Variants in TSC2 observed in about 807,000 individuals in gnomAD.
The protein encoded by TSC2 is tuberin.
In TSC2, 29 loss-of-function variants were observed where a neutral mutation model predicts 202.2. The observed-to-expected ratio is 0.14, with a 90% CI of 0.11 to 0.20. TSC2 has a LOEUF of 0.20. TSC2 is among the 10% of genes least tolerant of loss of function. TSC2 has a pLI of 1.00. For missense variants in TSC2, 2,429 were observed against 2,420.0 expected, an observed-to-expected ratio of 1.00 and a Z score of -0.08; for synonymous variants, 1,349 against 1,044.0, an observed-to-expected ratio of 1.29 and a Z score of -5.63.
chr16:2,068,043 C>T (rs1327927634), intron 16 of TSC2, among the ~76,000 whole-genome samples: 1 of 152,104 alleles, frequency 6.6e-6, no homozygotes, highest in Non-Finnish European at 1.5e-5. Flanking sequence ...GCTTTCATTT[C>T]TTTATTTTTT....
rs768132665 is a variant in TSC2 at position 2,071,769 on chromosome 16, C to T, written c.1947-15C>T. The T allele has an allele frequency of 1.2e-6, 2 of 1,604,430 alleles. No homozygotes were observed. The highest frequency in any genetic ancestry group is 2.2e-5 in the South Asian group (2 of 89,588). ...TGCGGGGACTTGGCCTCAGCTGCTT[C>T]TCTTGCTTCTGCAGGGAGCCAGAGA... On this transcript the variant is annotated splice_polypyrimidine_tract_variant and intron_variant, in intron 18 of 41. Transcript: ENST00000219476.
At chr16:2,065,188 C>T (rs560030076) in intron 15 of TSC2, 28 of 272,060 alleles carry the variant, frequency 1.0e-4, no homozygotes, top group Non-Finnish European at 1.9e-4. Flanking sequence ...CCAAGGCAGG[C>T]GGATCATGAG....
At position 2,076,057 on chromosome 16, in the gene TSC2, T is replaced by A. The variant is rs1223914188; in HGVS notation, c.2640-11T>A. The A allele has an allele frequency of 6.2e-7, 1 of 1,613,710 alleles. No homozygotes were observed. The highest frequency in any genetic ancestry group is 1.3e-5 in the African/African-American group (1 of 74,998). On this transcript the variant is annotated splice_polypyrimidine_tract_variant and intron_variant, in intron 23 of 41. Transcript: ENST00000219476. ...TGCCAGGATGGAGTGCCAGCCCCCT[T>A]CTCATCTCAGGTTTAATCAGTACAT...
At position 2,064,523 on chromosome 16, in the gene TSC2, GGA is replaced by G. The variant is rs2087052087; in HGVS notation, c.1599+97_1599+98del. 2.5e-6 allele frequency: 4 copies of G among 1,578,302 alleles called. No individual in the cohort carries two copies. In the East Asian group the frequency reaches 9.2e-5, roughly 36 times the overall value. On this transcript the variant is annotated intron_variant, in intron 15 of 41. Transcript: ENST00000219476. ...CCTCTGTCCTCCTCTTCGAGTGACC[GGA>G]TGGCTGTGTCCGTAGGTGAGGCTCC...
chr16:2,059,599 A>C (rs1304754568), intron 10 of TSC2, among the ~76,000 whole-genome samples: 2 of 147,458 alleles, frequency 1.4e-5, no homozygotes, highest in Non-Finnish European at 1.5e-5. Flanking sequence ...GGCTCAGCGC[A>C]ACCTCCGCCT....
In TSC2 at chr16:2,065,529, G is replaced by A. The variant is rs372681603; in HGVS notation, c.1610G>A (p.Arg537His). 13 of 1,607,372 alleles carry A rather than the reference G, an allele frequency of 8.1e-6. No individual in the cohort carries two copies. Among genetic ancestry groups the A allele is most frequent in the Admixed American group, 6.7e-5 (4 of 59,718 alleles). Residue 537 changes from arginine to histidine, a missense_variant, in exon 16 of 42, where the codon CGC becomes CAC. Coordinates refer to ENST00000219476, the MANE Select transcript of TSC2 (RefSeq NM_000548.5). ...LLDIIEKVMA[R>H]SLSPPPELEE... ...GCCTTCTCTTCAAAGGTGATGGCCC[G>A]CTCCCTCTCCCCACCCCCGGAGCTG...
intron 16 of TSC2, among the ~76,000 whole-genome samples, chr16:2,069,646 AT>A (rs1217595298): frequency 6.6e-6 from 1 of 152,020 alleles, no homozygotes; most frequent in African/African-American, 2.4e-5. Context: ...CGCCCGGCTA[AT>A]TTTTTTGTGT....
chr16:2,088,760 G>A lies in TSC2; in HGVS notation c.*150G>A. ...TTTGTCTGCTTGGTGCGGGGGTTGG[G>A]GGGGTGTCGAGGCTCTAGAAGCGGC... On this transcript the variant is annotated 3_prime_UTR_variant, in exon 42 of 42. Coordinates refer to ENST00000219476, the MANE Select transcript of TSC2 (RefSeq NM_000548.5). 8.6e-7 allele frequency: 1 copy of A among 1,162,828 alleles called. No homozygotes were observed. Among genetic ancestry groups the A allele is most frequent in the South Asian group, 1.5e-5 (1 of 65,378 alleles). The allele number at this position is 1,162,828 out of a possible 1,614,324, so 72.0% of individuals were successfully genotyped here.
Position 2,079,024 on chromosome 16 carries a change from C to G in TSC2, c.2967-8C>G. On this transcript the variant is annotated splice_region_variant and splice_polypyrimidine_tract_variant and intron_variant, in intron 26 of 41. Transcript: ENST00000219476. The surrounding 1 kb of genome is among the most constrained non-coding windows in gnomAD (Gnocchi z 4.6). ...CACCCTGACCCTGGTCACGGCCTCT[C>G]CCTCCAGCAGGATACAGACGTCCCT... 1 of 1,612,460 alleles carries G rather than the reference C, an allele frequency of 6.2e-7. No individual in the cohort carries two copies. The highest frequency in any genetic ancestry group is 8.5e-7 in the Non-Finnish European group (1 of 1,180,004).
intron 13 of TSC2, 70 bp downstream of exon 13, chr16:2,062,670 G>A (rs1413227418): frequency 6.6e-7 from 1 of 1,505,616 alleles, no homozygotes; most frequent in Admixed American, 1.9e-5. Flanking sequence ...GCCCACCCGG[G>A]CTGGGTCTCA....
At chr16:2,086,700 C>T (rs368282256) in intron 37 of TSC2, 32 bp from the exon 38 acceptor site, 21 of 1,606,364 alleles carry the variant, frequency 1.3e-5, no homozygotes, top group Middle Eastern at 4.5e-4. Flanking sequence ...AGCACTGGCC[C>T]CACAAACCCA....
At chr16:2,056,987 G>A (rs1567409938) in intron 8 of TSC2, 118 bp from the exon 9 acceptor site, 1 of 1,421,012 alleles carries the variant, frequency 7.0e-7, no homozygotes, top group Non-Finnish European at 9.7e-7. Flanking sequence ...GGAGATGGTG[G>A]CGAGCTGGCC....
chr16:2,048,815 T>G, intron 2 of TSC2, 62 bp downstream of exon 2: 2 of 1,611,514 alleles, frequency 1.2e-6, no homozygotes, highest in Non-Finnish European at 1.7e-6. Flanking sequence ...CTGGGTTTGG[T>G]CTTGCACCAG....
At position 2,075,823 on chromosome 16, in the gene TSC2, A is replaced by G. The variant is rs878854084; in HGVS notation, c.2570A>G (p.Tyr857Cys). 5 of 1,612,956 alleles carry G rather than the reference A, an allele frequency of 3.1e-6. No homozygotes were observed. Among genetic ancestry groups the G allele is most frequent in the Non-Finnish European group, 3.4e-6 (4 of 1,179,976 alleles). The change falls in exon 23 of 42, where the codon TAC (tyrosine) becomes TGC (cysteine). Residue 857 changes from tyrosine (Y) to cysteine (C), a missense_variant. Coordinates refer to ENST00000219476, the MANE Select transcript of TSC2 (RefSeq NM_000548.5). ...LSTLARLPHL[Y>C]RNFAAEQYAS... ...GCTCTGGCCAGGCTGCCGCACCTCT[A>G]CAGGAACTTTGCCGCGGAGCAGTAT...
At chr16:2,074,669 C>G in intron 22 of TSC2, 3 of 526,588 alleles carry the variant, frequency 5.7e-6, no homozygotes, top group East Asian at 6.7e-5. Flanking sequence ...TGGGCCTCCT[C>G]TCTGTCCAAC....
chr16:2,088,664 A>AT lies in TSC2; in HGVS notation c.*55dup. 3 of 1,550,106 alleles carry AT rather than the reference A, an allele frequency of 1.9e-6. No homozygotes were observed. The highest frequency in any genetic ancestry group is 2.6e-6 in the Non-Finnish European group (3 of 1,157,142). The stretch of plus-strand genomic sequence containing the variant: ...TTGGACGGTATTGCCTGTCAGTGAA[A>AT]TAAATAAAGTCCTGACCCCAGTGCA... On this transcript the variant is annotated 3_prime_UTR_variant, in exon 42 of 42. Coordinates refer to ENST00000219476, the MANE Select transcript of TSC2 (RefSeq NM_000548.5).
At chr16:2,074,475 C>T in intron 22 of TSC2, 86 bp downstream of exon 22, 1 of 1,525,846 alleles carries the variant, frequency 6.6e-7, no homozygotes, top group Non-Finnish European at 8.9e-7. Context: ...TCTCTCAGGA[C>T]TCCTTGGGGA....
intron 19 of TSC2, 67 bp from the exon 20 acceptor site, chr16:2,072,174 G>A: frequency 6.2e-7 from 1 of 1,609,314 alleles, no homozygotes; most frequent in Non-Finnish European, 8.5e-7. Flanking sequence ...CAGAGCCTCA[G>A]ATGCTAGCTT....
chr16:2,079,175 A>C lies in TSC2; in HGVS notation c.3110A>C (p.Asn1037Thr), dbSNP rs2089806008. Residue 1037 changes from asparagine to threonine, a missense_variant, in exon 27 of 42, where the codon AAC (asparagine) becomes ACC (threonine). Physicochemically the swap from Asn to Thr is moderately conservative, Grantham distance 65 (BLOSUM62 0). Transcript: ENST00000219476. This position sits in a 1 kb window ranked among gnomAD's most constrained non-coding sequence, Gnocchi z 4.6. Reference protein sequence around the residue: ...LDMMARYVFSNFTAVPKRSPV... With the variant: ...LDMMARYVFSTFTAVPKRSPV... ...ATGATGGCTCGATACGTCTTCTCCA[A>C]CTTCACGGCTGTCCCGAAGAGGTCC... 6.2e-7 allele frequency: 1 copy of C among 1,612,870 alleles called. No individual in the cohort carries two copies. Among genetic ancestry groups the C allele is most frequent in the Non-Finnish European group, 8.5e-7 (1 of 1,179,998 alleles).
Sources: allele counts gnomAD v4.1 joint callset (sites outside exome capture counted in the v4.1 genomes callset), GRCh38; gene constraint gnomAD v4.1.1; non-coding constraint Gnocchi (gnomAD v3.1); transcripts MANE v1.5; gene names NCBI Gene and HGNC (gene_info 2026-07-23, HGNC 2026-07-21).